VPS35L: variants seen among roughly 807,000 people sequenced by gnomAD.
VPS35L encodes VPS35 endosomal protein sorting factor like, also known as VPS35 endosomal protein-sorting factor-like.
A neutral mutation model predicts 133.0 loss-of-function variants in VPS35L; 83 were observed. The ratio of observed to expected loss-of-function variants is 0.62; its 90% CI spans 0.52 to 0.75. The LOEUF (loss-of-function observed/expected upper bound fraction) is 0.75, where lower values mean the gene tolerates loss of function less well. Ranked by LOEUF, VPS35L falls within the 30% of genes least tolerant of loss-of-function variation. The pLI is 0.00. For synonymous variants in VPS35L, 423 were observed against 449.9 expected, an observed-to-expected ratio of 0.94 and a Z score of 0.76; for missense variants, 1,083 against 1,206.8, an observed-to-expected ratio of 0.90 and a Z score of 1.52.
chr16:19,597,871 A>G (rs960805954), intron 8 of VPS35L, among the ~76,000 whole-genome samples: 2 of 152,188 alleles, frequency 1.3e-5, no homozygotes, highest in African/African-American at 4.8e-5. Flanking sequence ...GCACATGGTC[A>G]TTACTCTGCT....
chr16:19,565,201 C>T (rs57594746), intron 2 of VPS35L, among the ~76,000 whole-genome samples: 21 of 151,664 alleles, frequency 1.4e-4, no homozygotes, highest in South Asian at 4.2e-4. Context: ...TATAGGCACA[C>T]GCCACCATGC....
rs1567502346 is a variant in VPS35L at position 19,700,697 on chromosome 16, CTG to C, written c.*225_*226del. 3 of 522,588 alleles carry C rather than the reference CTG, an allele frequency of 5.7e-6. No homozygotes were observed. The highest frequency in any genetic ancestry group is 3.1e-5 in the South Asian group (1 of 32,598). The allele number at this position is 522,588 out of a possible 1,614,324, so 32.4% of individuals were successfully genotyped here. On this transcript the variant is annotated 3_prime_UTR_variant, in exon 31 of 31. Transcript: ENST00000417362. Reference sequence around the variant, plus strand: ...TGCAATCTTCACTAAGAAGCAGTCTCTGTGTTGTCTTTGCACAAGTGGCCTTC... The same window carrying C: ...TGCAATCTTCACTAAGAAGCAGTCTCTGTTGTCTTTGCACAAGTGGCCTTC...
At chr16:19,602,751 T>C (rs1246539041) in intron 9 of VPS35L, among the ~76,000 whole-genome samples, 1 of 152,024 alleles carries the variant, frequency 6.6e-6, no homozygotes, top group African/African-American at 2.4e-5. Flanking sequence ...TACTGGTGCC[T>C]GCCACCACAC....
chr16:19,652,811 A>T (rs546941482), intron 26 of VPS35L: 103 of 152,360 alleles, frequency 6.8e-4, no homozygotes, highest in African/African-American at 2.5e-3. Context: ...CTAATCTGTG[A>T]TAGAACAAAT....
chr16:19,615,338 A>G (rs1295011154), intron 12 of VPS35L, among the ~76,000 whole-genome samples: 2 of 152,174 alleles, frequency 1.3e-5, no homozygotes, highest in African/African-American at 4.8e-5. Flanking sequence ...TTCTTATAAA[A>G]GCAATACATG....
chr16:19,594,945 G>C (rs761480549), intron 8 of VPS35L, among the ~76,000 whole-genome samples: 1 of 152,096 alleles, frequency 6.6e-6, no homozygotes, highest in Non-Finnish European at 1.5e-5. Context: ...CTGGGTCTGT[G>C]GGGTGGAGGC....
chr16:19,560,469 A>G (rs1250921435), intron 1 of VPS35L, among the ~76,000 whole-genome samples: 1 of 152,206 alleles, frequency 6.6e-6, no homozygotes, highest in African/African-American at 2.4e-5. Flanking sequence ...GAGCCTTTCA[A>G]CATTCTACTT....
chr16:19,580,145 G>A (rs753707311), intron 6 of VPS35L, among the ~76,000 whole-genome samples: 3 of 151,826 alleles, frequency 2.0e-5, no homozygotes, highest in African/African-American at 7.2e-5. Flanking sequence ...GGTTGAGATC[G>A]CTCTGTCACC....
intron 9 of VPS35L, among the ~76,000 whole-genome samples, chr16:19,601,957 A>G (rs931482480): frequency 2.0e-5 from 3 of 151,902 alleles, no homozygotes; most frequent in Non-Finnish European, 1.5e-5. Flanking sequence ...AAGGCCTCAC[A>G]GTTAGATTCA....
At chr16:19,560,894 T>G (rs181802908) in intron 1 of VPS35L, among the ~76,000 whole-genome samples, 79 of 150,682 alleles carry the variant, frequency 5.2e-4, no homozygotes, top group Admixed American at 1.3e-3. Flanking sequence ...TCCTTTGTGT[T>G]TTTTTTTTTA....
chr16:19,601,406 T>C (rs1247294768), intron 8 of VPS35L, among the ~76,000 whole-genome samples: 1 of 151,362 alleles, frequency 6.6e-6, no homozygotes, highest in African/African-American at 2.4e-5. Context: ...TGGATGGAGA[T>C]ACTTGAGACT....
chr16:19,637,125 C>T (rs1761894459), intron 19 of VPS35L, among the ~76,000 whole-genome samples: 3 of 152,194 alleles, frequency 2.0e-5, no homozygotes, highest in Admixed American at 6.5e-5. Context: ...GCAATGGCTG[C>T]TTTTGCACTG....
At chr16:19,562,802 T>A (rs1339172132) in intron 1 of VPS35L, among the ~76,000 whole-genome samples, 2 of 152,206 alleles carry the variant, frequency 1.3e-5, no homozygotes, top group East Asian at 3.9e-4. Flanking sequence ...TTGCCCAGGC[T>A]GGAGTGCAGT....
At chr16:19,609,959 A>G (rs534461702) in intron 11 of VPS35L, among the ~76,000 whole-genome samples, 1 of 152,304 alleles carries the variant, frequency 6.6e-6, no homozygotes, top group East Asian at 1.9e-4. Context: ...AATCTGTGGC[A>G]AACGAAAATA....
chr16:19,644,992 T>C (rs1448486979), intron 23 of VPS35L, 43 bp downstream of exon 23: 1 of 1,359,232 alleles, frequency 7.4e-7, no homozygotes, highest in East Asian at 2.3e-5. Flanking sequence ...GGAAGTGTGA[T>C]GTAATTGTTT....
chr16:19,630,494 T>A (rs1375975750), intron 18 of VPS35L, among the ~76,000 whole-genome samples: 2 of 151,898 alleles, frequency 1.3e-5, no homozygotes, highest in Non-Finnish European at 2.9e-5. Context: ...CCACCACGCC[T>A]GGCTAATTTT....
At chr16:19,567,830 A>T (rs1971235070) in intron 2 of VPS35L, among the ~76,000 whole-genome samples, 1 of 151,984 alleles carries the variant, frequency 6.6e-6, no homozygotes, top group African/African-American at 2.4e-5. Flanking sequence ...CAATTAGCAA[A>T]GTGTGATGGT....
At chr16:19,642,020 G>A (rs756704568) in intron 21 of VPS35L, among the ~76,000 whole-genome samples, 4 of 152,056 alleles carry the variant, frequency 2.6e-5, no homozygotes, top group Non-Finnish European at 4.4e-5. Flanking sequence ...GAGCAGCCTG[G>A]CCAACATGGT....
chr16:19,664,909 A>C (rs1273196782), intron 26 of VPS35L, among the ~76,000 whole-genome samples: 6 of 152,000 alleles, frequency 3.9e-5, no homozygotes, highest in African/African-American at 1.2e-4. Flanking sequence ...AAAAAAAAAA[A>C]AAAACAAAAA....
Sources: allele counts gnomAD v4.1 joint callset (sites outside exome capture counted in the v4.1 genomes callset), GRCh38; gene constraint gnomAD v4.1.1; transcripts MANE v1.5; gene names NCBI Gene and HGNC (gene_info 2026-07-23, HGNC 2026-07-21).